UNC13C: variants seen among roughly 807,000 people sequenced by gnomAD.
UNC13C encodes the protein unc-13 homolog C.
UNC13C carries 174 observed loss-of-function variants against 245.4 expected under a neutral mutation model. The ratio of observed to expected loss-of-function variants is 0.71; its 90% CI spans 0.63 to 0.80. The LOEUF (loss-of-function observed/expected upper bound fraction) is 0.80. Among genes scored for constraint, UNC13C ranks in the 30% least tolerant of loss-of-function variants. UNC13C has a pLI of 0.00. For synonymous variants in UNC13C, 992 were observed against 895.1 expected (o/e 1.11, Z -1.93); for missense variants, 2,829 against 2,602.9 (o/e 1.09, Z -1.89).
chr15:54,386,233 T>G (rs543664171), intron 17 of UNC13C, among the ~76,000 whole-genome samples: 1 of 152,212 alleles, frequency 6.6e-6, no homozygotes, highest in Non-Finnish European at 1.5e-5. Flanking sequence ...TTTACTTATC[T>G]CTAAAATGAT....
At chr15:54,583,728 AC>A (rs1898316933) in intron 30 of UNC13C, among the ~76,000 whole-genome samples, 1 of 152,132 alleles carries the variant, frequency 6.6e-6, no homozygotes, top group African/African-American at 2.4e-5. Context: ...TCACTGTATC[AC>A]CTCTGGTCTG....
At chr15:54,613,674 A>T (rs948243039) in intron 30 of UNC13C, among the ~76,000 whole-genome samples, 5 of 151,986 alleles carry the variant, frequency 3.3e-5, no homozygotes, top group Non-Finnish European at 7.4e-5. Flanking sequence ...CTTCTTTTTT[A>T]AAAAGCTAAA....
chr15:54,288,487 T>G (rs1237741633), intron 10 of UNC13C, among the ~76,000 whole-genome samples: 1 of 151,390 alleles, frequency 6.6e-6, no homozygotes, highest in Non-Finnish European at 1.5e-5. Flanking sequence ...GATGCTCTAC[T>G]TGGAGTCTTT....
intron 17 of UNC13C, among the ~76,000 whole-genome samples, chr15:54,340,526 C>G (rs189049866): frequency 6.6e-6 from 1 of 152,084 alleles, no homozygotes; most frequent in Admixed American, 6.5e-5. Context: ...ATCCCAGCAC[C>G]ATTTGTTGAA....
intron 7 of UNC13C, among the ~76,000 whole-genome samples, chr15:54,241,210 G>A (rs2035842686): frequency 6.6e-6 from 1 of 152,150 alleles, no homozygotes; most frequent in Admixed American, 6.5e-5. Flanking sequence ...CTGGGTTGAT[G>A]GGCATGTTAA....
intron 28 of UNC13C, among the ~76,000 whole-genome samples, chr15:54,555,142 A>G (rs1407321595): frequency 6.6e-6 from 1 of 152,040 alleles, no homozygotes; most frequent in Admixed American, 6.6e-5. Flanking sequence ...AAATTTCATC[A>G]CGCATTTTCC....
intron 4 of UNC13C, among the ~76,000 whole-genome samples, chr15:54,191,147 C>T (rs1002119129): frequency 1.1e-4 from 17 of 152,082 alleles, no homozygotes; most frequent in African/African-American, 4.1e-4. Context: ...GTTTGCTGCA[C>T]CCATCAACCC....
At chr15:53,984,031 C>A (rs1388057841) in intron 1 of UNC13C, among the ~76,000 whole-genome samples, 1 of 151,992 alleles carries the variant, frequency 6.6e-6, no homozygotes, top group Admixed American at 6.6e-5. Context: ...TTGAATCTTC[C>A]AATTGTTTTA....
intron 4 of UNC13C, among the ~76,000 whole-genome samples, chr15:54,170,572 TC>T (rs552061815): frequency 1.6e-3 from 237 of 152,318 alleles, no homozygotes; most frequent in African/African-American, 5.3e-3. Flanking sequence ...TCCTTTTTTT[TC>T]CTTAAAATAT....
At chr15:53,863,596 G>A in the UNC13C span, among the ~76,000 whole-genome samples, 1 of 152,098 alleles carries the variant, frequency 6.6e-6, no homozygotes, top group Non-Finnish European at 1.5e-5. Context: ...TCAGAGATTT[G>A]TGCAATCATT....
intron 2 of UNC13C, among the ~76,000 whole-genome samples, chr15:54,068,727 C>T (rs1417363145): frequency 6.6e-6 from 1 of 152,138 alleles, no homozygotes; most frequent in Admixed American, 6.6e-5. Context: ...ATAAGCTGCA[C>T]AATACCATGG....
At chr15:54,420,508 G>T (rs970013397) in intron 19 of UNC13C, among the ~76,000 whole-genome samples, 1 of 151,840 alleles carries the variant, frequency 6.6e-6, no homozygotes, top group African/African-American at 2.4e-5. Flanking sequence ...GTGGGAGAGA[G>T]TATGCGAGGT....
chr15:53,989,162 T>C (rs1894272510), intron 1 of UNC13C, among the ~76,000 whole-genome samples: 1 of 151,928 alleles, frequency 6.6e-6, no homozygotes, highest in Admixed American at 6.6e-5. Flanking sequence ...TACGGGTCAA[T>C]ATTTTTGAAT....
chr15:54,280,809 A>G (rs1318141036), intron 10 of UNC13C, among the ~76,000 whole-genome samples: 7 of 149,940 alleles, frequency 4.7e-5, no homozygotes, highest in African/African-American at 1.7e-4. Context: ...TACTTTTTAA[A>G]AAAATTGTGA....
chr15:54,353,065 G>T (rs1417548579), intron 17 of UNC13C, among the ~76,000 whole-genome samples: 1 of 152,268 alleles, frequency 6.6e-6, no homozygotes, highest in Non-Finnish European at 1.5e-5. Context: ...GGATTTAAAT[G>T]TAATTCATTT....
intron 2 of UNC13C, among the ~76,000 whole-genome samples, chr15:54,128,786 T>A (rs373490421): frequency 6.6e-6 from 1 of 152,196 alleles, no homozygotes; most frequent in East Asian, 1.9e-4. Flanking sequence ...GACTTCCCAC[T>A]GAGTCTCTGC....
chr15:54,009,973 C>A (rs1347419681), intron 1 of UNC13C, among the ~76,000 whole-genome samples: 1 of 152,132 alleles, frequency 6.6e-6, no homozygotes, highest in Non-Finnish European at 1.5e-5. Flanking sequence ...TGTATTTTGT[C>A]AATCCTCTGC....
At chr15:53,951,029 G>A in the UNC13C span, among the ~76,000 whole-genome samples, 1 of 152,158 alleles carries the variant, frequency 6.6e-6, no homozygotes, top group Non-Finnish European at 1.5e-5. Context: ...GGGAGATGAA[G>A]CCTTTTCTCT....
At position 54,014,511 on chromosome 15, in the gene UNC13C, C is replaced by T. The variant is rs1351838637; in HGVS notation, c.1608C>T (p.His536=). The change falls in exon 2 of 33, where the codon CAC becomes CAT. Residue 536 remains histidine (H), a synonymous_variant. Transcript: ENST00000260323. ...THYADATPLW[H]SQSDFFTAKL... Reference sequence around the variant, plus strand: ...ATGCAGATGCAACACCTCTCTGGCACTCACAGAGTGATTTTTTCACTGCTA... The same window carrying T: ...ATGCAGATGCAACACCTCTCTGGCATTCACAGAGTGATTTTTTCACTGCTA... 6.2e-7 allele frequency: 1 copy of T among 1,613,830 alleles called. No homozygotes were observed.
Sources: gnomAD v4.1 joint callset for allele counts (sites outside exome capture counted in the v4.1 genomes callset) on GRCh38, gnomAD v4.1.1 for gene constraint, MANE v1.5 for transcripts, NCBI Gene and HGNC (gene_info 2026-07-23, HGNC 2026-07-21) for gene names.